DMRT1: variants seen among roughly 807,000 people sequenced by gnomAD.
DMRT1 encodes the protein doublesex and mab-3 related transcription factor 1, also known as doublesex- and mab-3-related transcription factor 1.
In DMRT1, 7 loss-of-function variants were observed where a neutral mutation model predicts 32.3. The observed-to-expected ratio is 0.22, with a 90% CI of 0.12 to 0.41. DMRT1 has a LOEUF of 0.41. Ranked by LOEUF, DMRT1 falls within the 10% of genes least tolerant of loss-of-function variation. The pLI, the probability that DMRT1 is intolerant of heterozygous loss-of-function variation, is 1.00. For missense variants in DMRT1, 625 were observed against 500.5 expected, an observed-to-expected ratio of 1.25 and a Z score of -2.37; for synonymous variants, 278 against 206.1, an observed-to-expected ratio of 1.35 and a Z score of -2.99.
At chr9:915,501 C>CCACTGT (rs148231761) in intron 3 of DMRT1, among the ~76,000 whole-genome samples, 19 of 151,934 alleles carry the variant, frequency 1.3e-4, no homozygotes, top group African/African-American at 4.6e-4. Flanking sequence ...CATGCAGCTG[C>CCACTGT]CACTGGAGGG....
intron 4 of DMRT1, among the ~76,000 whole-genome samples, chr9:936,797 C>G (rs1818901384): frequency 6.6e-6 from 1 of 150,834 alleles, no homozygotes; most frequent in Non-Finnish European, 1.5e-5. Context: ...CCCTGATAAT[C>G]CTTTCTTATT....
At chr9:931,569 G>T (rs1165478838) in intron 4 of DMRT1, among the ~76,000 whole-genome samples, 1 of 152,218 alleles carries the variant, frequency 6.6e-6, no homozygotes, top group East Asian at 1.9e-4. Flanking sequence ...GGAAGTCCAA[G>T]ATCAAGGTGC....
At chr9:874,268 A>T (rs1202670093) in intron 2 of DMRT1, among the ~76,000 whole-genome samples, 1 of 152,160 alleles carries the variant, frequency 6.6e-6, no homozygotes, top group Non-Finnish European at 1.5e-5. Context: ...GTAAGTTTTG[A>T]TTCATGGATC....
intron 1 of DMRT1, 130 bp from the exon 2 acceptor site, chr9:846,830 G>A: frequency 8.5e-7 from 1 of 1,180,912 alleles, no homozygotes; most frequent in South Asian, 1.2e-5. Flanking sequence ...GGTTTAAGAA[G>A]AAATGGGAGA....
At chr9:941,613 G>T (rs935849531) in intron 4 of DMRT1, among the ~76,000 whole-genome samples, 1 of 152,030 alleles carries the variant, frequency 6.6e-6, no homozygotes, top group African/African-American at 2.4e-5. Flanking sequence ...GAGATGGAGG[G>T]TGGTGATGGT....
chr9:919,020 G>A (rs938664493), intron 4 of DMRT1, among the ~76,000 whole-genome samples: 2 of 152,178 alleles, frequency 1.3e-5, no homozygotes, highest in African/African-American at 2.4e-5. Flanking sequence ...GCCCTTCTGG[G>A]AGGTGGGGCT....
chr9:916,455 C>G (rs892761439), intron 3 of DMRT1, among the ~76,000 whole-genome samples: 1 of 152,128 alleles, frequency 6.6e-6, no homozygotes, highest in Non-Finnish European at 1.5e-5. Context: ...ACTACAGCCT[C>G]AAACTCCTGG....
chr9:850,416 A>G (rs372441790), intron 2 of DMRT1, among the ~76,000 whole-genome samples: 1 of 152,152 alleles, frequency 6.6e-6, no homozygotes, highest in African/African-American at 2.4e-5. Flanking sequence ...TAACAAATAT[A>G]TAGCTTATAT....
At chr9:861,050 CTTTTTT>C (rs140608243) in intron 2 of DMRT1, among the ~76,000 whole-genome samples, 1 of 121,366 alleles carries the variant, frequency 8.2e-6, no homozygotes, top group Admixed American at 8.2e-5. Context: ...AATTTACTTT[CTTTTTT>C]TTTTTTTTTT....
In DMRT1 at chr9:916,824, C is replaced by T. The variant is rs902482318; in HGVS notation, c.884C>T (p.Pro295Leu). ...CAGTACAGGATGCATTCTTACTACCCGCCTCCCTCTTACCTGGGCCAGAGC... is the reference window on the plus strand; with the variant it reads ...CAGTACAGGATGCATTCTTACTACCTGCCTCCCTCTTACCTGGGCCAGAGC... ...SSQYRMHSYY[P>L]PPSYLGQSVP... Residue 295 changes from proline to leucine, a missense_variant, in exon 4 of 5, where the codon CCG (proline) becomes CTG (leucine). Physicochemically the swap from Pro to Leu is moderately conservative, Grantham distance 98 (BLOSUM62 -3). Transcript: ENST00000382276. 11 of 1,614,050 alleles carry T rather than the reference C, an allele frequency of 6.8e-6. No homozygotes were observed. The highest frequency in any genetic ancestry group is 1.7e-5 in the Admixed American group (1 of 60,008).
chr9:858,345 A>G (rs1208959709), intron 2 of DMRT1, among the ~76,000 whole-genome samples: 1 of 152,140 alleles, frequency 6.6e-6, no homozygotes. Context: ...TTGGAAGGTC[A>G]CAAAGGTCAT....
At chr9:910,860 T>C (rs917870422) in intron 3 of DMRT1, among the ~76,000 whole-genome samples, 1 of 152,182 alleles carries the variant, frequency 6.6e-6, no homozygotes, top group Admixed American at 6.5e-5. Flanking sequence ...ACTGGAATCC[T>C]GGGTTTTTAG....
At chr9:919,557 G>GGT (rs1410980206) in intron 4 of DMRT1, among the ~76,000 whole-genome samples, 1 of 152,262 alleles carries the variant, frequency 6.6e-6, no homozygotes, top group East Asian at 1.9e-4. Flanking sequence ...TCAGAGAGAT[G>GGT]GTGGAGTCAG....
chr9:864,906 AAGTTTTAC>A (rs2132591245), intron 2 of DMRT1, among the ~76,000 whole-genome samples: 1 of 152,246 alleles, frequency 6.6e-6, no homozygotes, highest in South Asian at 2.1e-4. Flanking sequence ...TATGGTTTGG[AAGTTTTAC>A]AGTTCCATTC....
intron 4 of DMRT1, among the ~76,000 whole-genome samples, chr9:939,590 A>G (rs1373821458): frequency 6.6e-6 from 1 of 152,176 alleles, no homozygotes; most frequent in Non-Finnish European, 1.5e-5. Context: ...ATTGGCATTT[A>G]ATGCACACCT....
chr9:938,988 A>G (rs544273867), intron 4 of DMRT1, among the ~76,000 whole-genome samples: 3 of 152,360 alleles, frequency 2.0e-5, no homozygotes, highest in South Asian at 4.1e-4. Flanking sequence ...GGAGTTGTCA[A>G]CTGCTCAGTG....
At chr9:850,396 A>G (rs965507474) in intron 2 of DMRT1, among the ~76,000 whole-genome samples, 1 of 152,252 alleles carries the variant, frequency 6.6e-6, no homozygotes, top group Non-Finnish European at 1.5e-5. Flanking sequence ...CTTCTTAGAT[A>G]GCTTCCTACT....
At chr9:930,832 G>A (rs890110988) in intron 4 of DMRT1, among the ~76,000 whole-genome samples, 1 of 152,082 alleles carries the variant, frequency 6.6e-6, no homozygotes, top group Non-Finnish European at 1.5e-5. Flanking sequence ...GAGCCATTGT[G>A]CCCAGCCCTG....
At chr9:882,760 CT>C (rs1010078425) in intron 2 of DMRT1, among the ~76,000 whole-genome samples, 1,275 of 118,318 alleles carry the variant, frequency 0.011, 9 homozygotes, top group African/African-American at 0.037. Flanking sequence ...TCCCCTGAAT[CT>C]TTTTTTTTTT....
Sources: gnomAD v4.1 joint callset for allele counts (sites outside exome capture counted in the v4.1 genomes callset) on GRCh38, gnomAD v4.1.1 for gene constraint, MANE v1.5 for transcripts, NCBI Gene and HGNC (gene_info 2026-07-23, HGNC 2026-07-21) for gene names.